Variants in FOXRED2 observed in about 807,000 individuals in gnomAD.
The protein encoded by FOXRED2 is FAD-dependent oxidoreductase domain-containing protein 2.
Under a neutral mutation model 52.5 loss-of-function variants are expected in FOXRED2, and 32 were observed. The ratio of observed to expected loss-of-function variants is 0.61; its 90% CI spans 0.46 to 0.82. FOXRED2 has a LOEUF of 0.82. Among genes scored for constraint, FOXRED2 ranks in the 40% least tolerant of loss-of-function variants. The probability of loss-of-function intolerance (pLI) is 0.00; values close to 1 mark genes in which losing one functional copy is unlikely to be tolerated. For missense variants in FOXRED2, 848 were observed against 937.5 expected (o/e 0.90, Z 1.25); for synonymous variants, 405 against 398.1 (o/e 1.02, Z -0.21).
At chr22:36,497,843 G>T in intron 6 of FOXRED2, 148 bp downstream of exon 6, 1 of 855,938 alleles carries the variant, frequency 1.2e-6, no homozygotes, top group South Asian at 1.7e-5. Context: ...TAATGTCATT[G>T]TTTTTCCCCA....
Position 36,498,749 on chromosome 22 carries a change from T to C in FOXRED2, c.1217-593A>G, listed in dbSNP as rs181720342. Among the ~76,000 whole-genome samples, 12 of 152,308 alleles carry C rather than the reference T, an allele frequency of 7.9e-5. No homozygotes were observed. In the East Asian group the frequency reaches 2.1e-3, roughly 27 times the overall value. The stretch of plus-strand genomic sequence containing the variant: ...TTTTTGAGACAGGGTCTCGCTCTGT[T>C]GCCCAGGCTGGAGTGCAGTGGTGCG... On this transcript the variant is annotated intron_variant, in intron 5 of 8. Transcript: ENST00000397224.
rs1332493926 is a variant in FOXRED2, at chr22:36,489,560, T to C, written c.*448A>G. 6.5e-6 allele frequency: 1 copy of C among 153,772 alleles called. No individual in the cohort carries two copies. The highest frequency in any genetic ancestry group is 2.4e-5 in the African/African-American group (1 of 41,532). 9.5% of individuals were successfully genotyped at this position (153,772 alleles called of 1,614,324 possible). On this transcript the variant is annotated 3_prime_UTR_variant, in exon 9 of 9. Transcript: ENST00000397224. ...AACAATCCCACCTGCCCATTGTGGT[T>C]GTTGAGGATATCAGAGCTTTTGTTT... is the stretch of plus-strand genomic sequence containing the variant.
rs1474647601 is a variant in FOXRED2, at chr22:36,506,060, G to A, written c.363C>T (p.Asp121=). 1.2e-6 allele frequency: 2 copies of A among 1,614,268 alleles called. No individual in the cohort carries two copies. Among genetic ancestry groups the A allele is most frequent in the East Asian group, 4.5e-5 (2 of 44,884 alleles). The change falls in exon 2 of 9, where the codon GAC becomes GAT. Residue 121 remains aspartate (D), a synonymous_variant. Coordinates refer to ENST00000397224, the MANE Select transcript of FOXRED2 (RefSeq NM_001102371.2). ...CCAGGTAGCGCACCATGTCGCGGGC[G>A]TCGGGGAAGTAGGCACGCGAGTAGT... The part of the protein sequence containing the change: ...FRHYSRAYFP[D]ARDMVRYLGD...
intron 7 of FOXRED2, among the ~76,000 whole-genome samples, 156 bp downstream of exon 7, chr22:36,495,811 C>G (rs5756219): frequency 6.6e-6 from 1 of 152,122 alleles, no homozygotes; most frequent in Admixed American, 6.5e-5. Flanking sequence ...GTTCATCATT[C>G]TCGGACCTTC....
chr22:36,499,321 T>G (rs1384063980), intron 5 of FOXRED2, among the ~76,000 whole-genome samples: 1 of 152,200 alleles, frequency 6.6e-6, no homozygotes, highest in Non-Finnish European at 1.5e-5. Context: ...CATTTTCACA[T>G]TTTTGATGCT....
intron 4 of FOXRED2, among the ~76,000 whole-genome samples, chr22:36,503,292 TGGCCTCTGCACAC>T (rs1426987597): frequency 2.0e-5 from 3 of 150,060 alleles, no homozygotes; most frequent in Non-Finnish European, 4.4e-5. Context: ...CCACTGCACC[TGGCCTCTGCACAC>T]ATTCTTCTTT....
intron 4 of FOXRED2, 106 bp downstream of exon 4, chr22:36,503,992 G>A (rs1934119877): frequency 8.2e-7 from 1 of 1,222,024 alleles, no homozygotes; most frequent in African/African-American, 1.5e-5. Context: ...TTTGGGTGCT[G>A]TCCTGAGAGC....
At position 36,504,309 on chromosome 22, in the gene FOXRED2, C is replaced by T. The variant is rs748565297; in HGVS notation, c.838G>A (p.Glu280Lys). The T allele has an allele frequency of 2.4e-5, 39 of 1,614,012 alleles. No individual in the cohort carries two copies. The highest frequency in any genetic ancestry group is 4.0e-5 in the African/African-American group (3 of 74,886). The change falls in exon 4 of 9, where the codon GAG becomes AAG. Residue 280 changes from glutamate (E) to lysine (K), a missense_variant. By Grantham distance (56) the Glu-to-Lys change is moderately conservative. Coordinates refer to ENST00000397224, the MANE Select transcript of FOXRED2 (RefSeq NM_001102371.2). ...YQLKSLDGLL[E>K]SDLTDLAILK... The stretch of plus-strand genomic sequence containing the variant: ...ATGGCCAGATCCGTCAGGTCAGACT[C>T]GAGCAGCCCGTCCAGGGACTTGAGC...
At chr22:36,501,161 CAT>C in intron 5 of FOXRED2, 78 bp downstream of exon 5, 1 of 1,427,738 alleles carries the variant, frequency 7.0e-7, no homozygotes, top group Non-Finnish European at 9.7e-7. Context: ...TGCTTCTGGA[CAT>C]AGGAGTAGAT....
At chr22:36,504,916 T>A in intron 2 of FOXRED2, 150 bp from the exon 3 acceptor site, 2 of 846,178 alleles carry the variant, frequency 2.4e-6, no homozygotes, top group Non-Finnish European at 3.7e-6. Context: ...CATTTTTCAT[T>A]CATTCATCTG....
Position 36,506,029 on chromosome 22 carries a change from A to G in FOXRED2, c.394T>C (p.Phe132Leu). 1 of 1,614,266 alleles carries G rather than the reference A, an allele frequency of 6.2e-7. No homozygotes were observed. Among genetic ancestry groups the G allele is most frequent in the Non-Finnish European group, 8.5e-7 (1 of 1,180,050 alleles). The change falls in exon 2 of 9, where the codon TTC becomes CTC. Residue 132 changes from phenylalanine to leucine, a missense_variant. Physicochemically the swap from Phe to Leu is conservative, Grantham distance 22 (BLOSUM62 0). Transcript: ENST00000397224. ...ACACGGAGCCCCAGCGTGTCCGCGA[A>G]GTCACCCAGGTAGCGCACCATGTCG... ...ARDMVRYLGD[F>L]ADTLGLRVQY...
Position 36,504,615 on chromosome 22 carries a change from C to G in FOXRED2, c.679G>C (p.Glu227Gln). ...ACACCCAAGATGTTCTCTGCTGTCT[C>G]AAAGGCCGAGTTCCCACGACCCAGG... ...LILGRGNSAF[E>Q]TAENILGVTN... is the part of the protein sequence containing the mutation. The change falls in exon 3 of 9, where the codon GAG becomes CAG. Residue 227 changes from glutamate (E) to glutamine (Q), a missense_variant. Transcript: ENST00000397224. 6.2e-7 allele frequency: 1 copy of G among 1,614,160 alleles called. No individual in the cohort carries two copies. The highest frequency in any genetic ancestry group is 8.5e-7 in the Non-Finnish European group (1 of 1,180,034).
chr22:36,501,465 T>C, intron 4 of FOXRED2, 58 bp from the exon 5 acceptor site: 1 of 1,556,108 alleles, frequency 6.4e-7, no homozygotes, highest in Non-Finnish European at 8.8e-7. Context: ...CACTTATTTA[T>C]TTAGTTAGTT....
intron 1 of FOXRED2, chr22:36,506,749 A>C: frequency 1.1e-5 from 3 of 267,844 alleles, no homozygotes; most frequent in Non-Finnish European, 2.1e-5. Context: ...GGTGCCCAAC[A>C]CCCCTTTGAA....
At chr22:36,492,067 T>C (rs559448670) in intron 8 of FOXRED2, among the ~76,000 whole-genome samples, 170 of 152,204 alleles carry the variant, frequency 1.1e-3, no homozygotes, top group Non-Finnish European at 1.8e-3. Flanking sequence ...TGAAAGGTGC[T>C]CCAGAAATAT....
rs191223972 is a variant in FOXRED2, at chr22:36,496,253, A to G, written c.1383-45T>C. On this transcript the variant is annotated intron_variant, in intron 6 of 8. Coordinates refer to ENST00000397224, the MANE Select transcript of FOXRED2 (RefSeq NM_001102371.2). Reference sequence around the variant, plus strand: ...GGGGAGGCCCTCAGTGCTGTGGCAGAGGTGAGGGGTGCAGCCCGGGGGTGA... The same window carrying G: ...GGGGAGGCCCTCAGTGCTGTGGCAGGGGTGAGGGGTGCAGCCCGGGGGTGA... The G allele has an allele frequency of 4.6e-3, 7,377 of 1,609,540 alleles. 22 individuals are homozygous for G. The highest frequency in any genetic ancestry group is 5.8e-3 in the Non-Finnish European group (6,821 of 1,178,066).
At chr22:36,503,617 C>G (rs547690635) in intron 4 of FOXRED2, among the ~76,000 whole-genome samples, 1 of 152,062 alleles carries the variant, frequency 6.6e-6, no homozygotes, top group Non-Finnish European at 1.5e-5. Flanking sequence ...AGCCTCCAAG[C>G]ATATTCTTAT....
rs1474647601 is a variant in FOXRED2 at position 36,506,060 on chromosome 22, G to C, written c.363C>G (p.Asp121Glu). Residue 121 changes from aspartate to glutamate, a missense_variant, in exon 2 of 9, where the codon GAC becomes GAG. Coordinates refer to ENST00000397224, the MANE Select transcript of FOXRED2 (RefSeq NM_001102371.2). ...FRHYSRAYFP[D>E]ARDMVRYLGD... Reference sequence around the variant, plus strand: ...CCAGGTAGCGCACCATGTCGCGGGCGTCGGGGAAGTAGGCACGCGAGTAGT... The same window carrying C: ...CCAGGTAGCGCACCATGTCGCGGGCCTCGGGGAAGTAGGCACGCGAGTAGT... 1 of 1,614,268 alleles carries C rather than the reference G, an allele frequency of 6.2e-7. No homozygotes were observed. The highest frequency in any genetic ancestry group is 8.5e-7 in the Non-Finnish European group (1 of 1,180,052).
chr22:36,505,437 C>G (rs947511611), intron 2 of FOXRED2, among the ~76,000 whole-genome samples: 1 of 152,200 alleles, frequency 6.6e-6, no homozygotes, highest in African/African-American at 2.4e-5. Context: ...ATCCTGCCGG[C>G]TTGCAGAAGA....
Sources: gnomAD v4.1 joint callset for allele counts (sites outside exome capture counted in the v4.1 genomes callset) on GRCh38, gnomAD v4.1.1 for gene constraint, MANE v1.5 for transcripts, NCBI Gene and HGNC (gene_info 2026-07-23, HGNC 2026-07-21) for gene names.